RBFOX3: variants seen among roughly 807,000 people sequenced by gnomAD.
RBFOX3 encodes RNA binding fox-1 homolog 3.
In RBFOX3, 17 loss-of-function variants were observed where a neutral mutation model predicts 48.7. The observed-to-expected ratio is 0.35, with a 90% CI of 0.24 to 0.52. The LOEUF is 0.52. RBFOX3 is among the 20% of genes least tolerant of loss of function. RBFOX3 has a pLI of 0.94. For synonymous variants in RBFOX3, 212 were observed against 209.5 expected, an observed-to-expected ratio of 1.01 and a Z score of -0.10; for missense variants, 382 against 497.5, an observed-to-expected ratio of 0.77 and a Z score of 2.21.
rs572564826 is a variant in RBFOX3, at chr17:79,421,546, C to T, written c.-175+60908G>A. Among the ~76,000 whole-genome samples, 5 of 152,142 alleles carry T rather than the reference C, an allele frequency of 3.3e-5. No homozygotes were observed. The highest frequency in any genetic ancestry group is 2.1e-4 in the South Asian group (1 of 4,812). On this transcript the variant is annotated intron_variant, in intron 2 of 14. Transcript: ENST00000693108. This position sits in a 1 kb window ranked among gnomAD's most constrained non-coding sequence, Gnocchi z 4.5. ...CCCAGGGCCTCACCTGGACAGGAGG[C>T]GAGGCTCAAATGACCCATGCTGGCA...
chr17:79,166,317 C>T (rs749481739), intron 4 of RBFOX3, among the ~76,000 whole-genome samples: 2 of 152,164 alleles, frequency 1.3e-5, no homozygotes, highest in South Asian at 2.1e-4. Context: ...AAAGGAGGCC[C>T]GGGCAGTTGT....
chr17:79,485,381 G>A (rs2079422541), intron 1 of RBFOX3, among the ~76,000 whole-genome samples: 2 of 152,248 alleles, frequency 1.3e-5, no homozygotes, highest in African/African-American at 4.8e-5. Flanking sequence ...TGAAGGAGAG[G>A]GGGAGGAATT....
At chr17:79,649,778 C>T in the RBFOX3 span, among the ~76,000 whole-genome samples, 3 of 152,168 alleles carry the variant, frequency 2.0e-5, no homozygotes, top group African/African-American at 7.2e-5. Context: ...GCAGGCTGTA[C>T]AGGAAGCATG....
the RBFOX3 span, among the ~76,000 whole-genome samples, chr17:79,651,024 G>A: frequency 6.6e-6 from 1 of 152,224 alleles, no homozygotes; most frequent in Non-Finnish European, 1.5e-5. Flanking sequence ...CGCCATCCAG[G>A]CAGGGGATTC....
intron 1 of RBFOX3, among the ~76,000 whole-genome samples, chr17:79,509,367 C>T (rs1282851902): frequency 6.6e-6 from 1 of 152,130 alleles, no homozygotes; most frequent in African/African-American, 2.4e-5. Flanking sequence ...CCCCCTCCAG[C>T]CCCAGAGCAC....
At chr17:79,148,770 C>T (rs1007545638) in intron 4 of RBFOX3, among the ~76,000 whole-genome samples, 2 of 152,180 alleles carry the variant, frequency 1.3e-5, no homozygotes, top group East Asian at 1.9e-4. Flanking sequence ...GGAGGGAGGC[C>T]GACCCCGCCG....
chr17:79,108,648 C>T (rs1870621), intron 5 of RBFOX3, among the ~76,000 whole-genome samples: 61,490 of 152,192 alleles, frequency 0.4, 12,658 homozygotes, highest in Middle Eastern at 0.51. Context: ...CGGCTGTCGC[C>T]GCCCCCAGCA....
the RBFOX3 span, among the ~76,000 whole-genome samples, chr17:79,665,151 ATC>A: frequency 6.6e-6 from 1 of 151,984 alleles, no homozygotes; most frequent in Non-Finnish European, 1.5e-5. Flanking sequence ...CCGCCCACAA[ATC>A]TCTGTTTCAC....
chr17:79,406,925 A>G (rs1434048678), intron 2 of RBFOX3, among the ~76,000 whole-genome samples: 3 of 152,252 alleles, frequency 2.0e-5, no homozygotes, highest in Non-Finnish European at 4.4e-5. Context: ...ACGGACTTCC[A>G]TGCCAGGCTG....
intron 1 of RBFOX3, among the ~76,000 whole-genome samples, chr17:79,549,710 A>G (rs1353368186): frequency 6.6e-6 from 1 of 152,180 alleles, no homozygotes; most frequent in Non-Finnish European, 1.5e-5. Flanking sequence ...CCCCAGTGTG[A>G]GCCTCATGCC....
intron 4 of RBFOX3, among the ~76,000 whole-genome samples, chr17:79,177,083 C>T (rs540170210): frequency 4.6e-4 from 70 of 152,244 alleles, no homozygotes; most frequent in African/African-American, 1.5e-3. Context: ...TCCCTCTGGA[C>T]GCCTGCCCAT....
In RBFOX3 at chr17:79,483,695, C is replaced by T. The variant is rs1055276263; in HGVS notation, c.-319-1097G>A. On this transcript the variant is annotated intron_variant, in intron 1 of 14. Transcript: ENST00000693108. ...GCTCCCTGAGGGCAGGCATCCACAA[C>T]GGCTGGATTTAGTGCTGAATCCCCA... 3.7e-3 allele frequency among the ~76,000 whole-genome samples: 561 copies of T among 151,902 alleles called. 2 individuals carry two copies. The highest frequency in any genetic ancestry group is 0.013 in the African/African-American group (531 of 41,444).
At chr17:79,387,348 T>C (rs1242187698) in intron 2 of RBFOX3, among the ~76,000 whole-genome samples, 2 of 152,184 alleles carry the variant, frequency 1.3e-5, no homozygotes, top group Non-Finnish European at 2.9e-5. Context: ...GTCCTATTAT[T>C]CTAACAACTC....
At chr17:79,164,675 T>C (rs2047646553) in intron 4 of RBFOX3, among the ~76,000 whole-genome samples, 1 of 152,192 alleles carries the variant, frequency 6.6e-6, no homozygotes, top group Non-Finnish European at 1.5e-5. Flanking sequence ...AGCCCTTCTC[T>C]TGGTGAGGGC....
At chr17:79,334,284 C>A (rs532723926) in intron 2 of RBFOX3, among the ~76,000 whole-genome samples, 298 of 152,274 alleles carry the variant, frequency 2.0e-3, no homozygotes, top group African/African-American at 6.9e-3. Context: ...GCACCCAATG[C>A]TTCTCCTGCA....
At chr17:79,263,224 G>C (rs535556781) in intron 3 of RBFOX3, among the ~76,000 whole-genome samples, 1 of 152,236 alleles carries the variant, frequency 6.6e-6, no homozygotes, top group Non-Finnish European at 1.5e-5. Context: ...AAACACTCAG[G>C]CTAGAGGGAG....
Position 79,570,243 on chromosome 17 carries a change from T to C in RBFOX3, c.-320+40583A>G, listed in dbSNP as rs2092624409. Among the ~76,000 whole-genome samples, 5 of 151,610 alleles carry C rather than the reference T, an allele frequency of 3.3e-5. No homozygotes were observed. In the South Asian group the frequency reaches 8.4e-4, roughly 25 times the overall value. On this transcript the variant is annotated intron_variant, in intron 1 of 14. Transcript: ENST00000693108. ...AGATGAATTATAGATGGATGGTATA[T>C]GAACAGATGAATTACGGACAGATGG... is the stretch of plus-strand genomic sequence containing the variant.
intron 1 of RBFOX3, among the ~76,000 whole-genome samples, chr17:79,548,664 C>T (rs1185420606): frequency 1.3e-5 from 2 of 152,194 alleles, no homozygotes; most frequent in African/African-American, 4.8e-5. Flanking sequence ...CCTGTCCAGG[C>T]AATGCAGCCC....
chr17:79,211,291 G>A (rs1247444250), intron 4 of RBFOX3, among the ~76,000 whole-genome samples: 1 of 152,296 alleles, frequency 6.6e-6, no homozygotes, highest in South Asian at 2.1e-4. Flanking sequence ...TTTGGCACAC[G>A]GCAGCCTGTG....
Sources: allele counts gnomAD v4.1 joint callset (sites outside exome capture counted in the v4.1 genomes callset), GRCh38; gene constraint gnomAD v4.1.1; non-coding constraint Gnocchi (gnomAD v3.1); transcripts MANE v1.5; gene names NCBI Gene and HGNC (gene_info 2026-07-23, HGNC 2026-07-21).